The following AGAP1 variants were observed in gnomAD, a reference collection of about 807,000 sequenced individuals.
The protein encoded by AGAP1 is ArfGAP with GTPase domain, ankyrin repeat and PH domain 1.
A neutral mutation model predicts 105.3 loss-of-function variants in AGAP1; 29 were observed. The observed-to-expected ratio is 0.28, with a 90% CI of 0.21 to 0.38. AGAP1 has a LOEUF of 0.38. AGAP1 is among the 10% of genes least tolerant of loss of function. AGAP1 has a pLI of 1.00. For missense variants in AGAP1, 998 were observed against 1,165.1 expected (o/e 0.86, Z 2.09); for synonymous variants, 509 against 485.9 (o/e 1.05, Z -0.63).
intron 8 of AGAP1, among the ~76,000 whole-genome samples, chr2:235,803,159 G>C (rs1424484322): frequency 6.6e-6 from 1 of 150,694 alleles, no homozygotes; most frequent in Non-Finnish European, 1.5e-5. Flanking sequence ...TGATGGTGAT[G>C]ATGGTTGTGG....
chr2:235,908,822 A>G lies in AGAP1; in HGVS notation c.1240A>G (p.Thr414Ala). Residue 414 changes from threonine (T) to alanine (A), a missense_variant, in exon 11 of 18, where the codon ACG (threonine) becomes GCG (alanine). This residue lies in a region of AGAP1 where 735 missense variants were observed against 833.4 expected (regional missense o/e 0.88). Coordinates refer to ENST00000304032, the MANE Select transcript of AGAP1 (RefSeq NM_001037131.3). This position sits in a 1 kb window ranked among gnomAD's most constrained non-coding sequence, Gnocchi z 4.4. ...CCCAGGGAAGAGGCCACCCCGAGCC[A>G]CGTCAGCCTGCGCACCCATCTCCAG... The part of the protein sequence containing the change: ...KVPGKRPPRA[T>A]SACAPISSPK... 1 of 1,614,096 alleles carries G rather than the reference A, an allele frequency of 6.2e-7. No individual in the cohort carries two copies. The highest frequency in any genetic ancestry group is 8.5e-7 in the Non-Finnish European group (1 of 1,180,012).
At chr2:236,079,602 A>G (rs2058730610) in intron 16 of AGAP1, among the ~76,000 whole-genome samples, 1 of 151,902 alleles carries the variant, frequency 6.6e-6, no homozygotes, top group Non-Finnish European at 1.5e-5. Context: ...ATATACATAC[A>G]TACATATATA....
chr2:235,775,216 T>A lies in AGAP1; in HGVS notation c.674-22543T>A, dbSNP rs149620004. Among the ~76,000 whole-genome samples, 39 of 152,244 alleles carry A rather than the reference T, an allele frequency of 2.6e-4. No individual in the cohort carries two copies. In the East Asian group the frequency reaches 7.0e-3, roughly 27 times the overall value. The stretch of plus-strand genomic sequence containing the variant: ...TGAGCAGTAACCAATTTGGGATTCC[T>A]GTCCCAGACTGTAGCACACTCTTTG... On this transcript the variant is annotated intron_variant, in intron 6 of 17. Coordinates refer to ENST00000304032, the MANE Select transcript of AGAP1 (RefSeq NM_001037131.3).
chr2:235,749,526 G>A (rs751802458), intron 5 of AGAP1, among the ~76,000 whole-genome samples: 1 of 152,002 alleles, frequency 6.6e-6, no homozygotes, highest in Non-Finnish European at 1.5e-5. Flanking sequence ...AAAACCTCAG[G>A]GGACTCGCTG....
intron 1 of AGAP1, among the ~76,000 whole-genome samples, chr2:235,638,152 ACAGT>A (rs749864113): frequency 1.9e-4 from 29 of 152,346 alleles, no homozygotes; most frequent in Non-Finnish European, 4.1e-4. Context: ...GTGTGGGTAG[ACAGT>A]CAGGAGAGCA....
intron 9 of AGAP1, among the ~76,000 whole-genome samples, chr2:235,880,411 A>G (rs2049957890): frequency 6.6e-6 from 1 of 152,102 alleles, no homozygotes; most frequent in Admixed American, 6.6e-5. Flanking sequence ...TGGTGACACC[A>G]GAGACCGTGG....
intron 10 of AGAP1, among the ~76,000 whole-genome samples, chr2:235,899,107 A>G (rs1175436452): frequency 6.6e-6 from 1 of 152,240 alleles, no homozygotes; most frequent in African/African-American, 2.4e-5. Flanking sequence ...TGTCAAGGGG[A>G]AAAACTGAAG....
intron 1 of AGAP1, among the ~76,000 whole-genome samples, chr2:235,512,223 G>A (rs1942177619): frequency 2.6e-5 from 4 of 152,308 alleles, no homozygotes; most frequent in Admixed American, 2.0e-4. Context: ...TGGGAGTTTG[G>A]GAGTTTTCTT....
intron 9 of AGAP1, chr2:235,852,815 C>T: frequency 2.0e-6 from 3 of 1,515,394 alleles, no homozygotes; most frequent in Non-Finnish European, 2.7e-6. Context: ...TGCTGAAGGC[C>T]CACAATCAGC....
chr2:235,875,303 T>C lies in AGAP1; in HGVS notation c.1051-8042T>C, dbSNP rs2049663408. On this transcript the variant is annotated intron_variant, in intron 9 of 17. Transcript: ENST00000304032. The surrounding 1 kb of genome is among the most constrained non-coding windows in gnomAD (Gnocchi z 4.0). ...TAATAAAATCGATGGTATTTTAAAT[T>C]GTTGGGATGAACAAGCACTTTGGGT... Among the ~76,000 whole-genome samples, 1 of 152,148 alleles carries C rather than the reference T, an allele frequency of 6.6e-6. No homozygotes were observed. The highest frequency in any genetic ancestry group is 6.5e-5 in the Admixed American group (1 of 15,282).
chr2:235,657,039 C>T lies in AGAP1; in HGVS notation c.164-52140C>T, dbSNP rs553824140. ...GGAAACCAGAGTCTAGATAAGCTGA[C>T]CCAGCTCTCATGCATGTGCTGTTAA... On this transcript the variant is annotated intron_variant, in intron 1 of 17. Coordinates refer to ENST00000304032, the MANE Select transcript of AGAP1 (RefSeq NM_001037131.3). 3.3e-5 allele frequency among the ~76,000 whole-genome samples: 5 copies of T among 152,292 alleles called. No individual in the cohort carries two copies. In the East Asian group the frequency reaches 9.7e-4, roughly 29 times the overall value.
At chr2:235,778,218 C>A (rs1167527097) in intron 6 of AGAP1, among the ~76,000 whole-genome samples, 1 of 152,220 alleles carries the variant, frequency 6.6e-6, no homozygotes, top group Admixed American at 6.5e-5. Context: ...TGTATTGGTT[C>A]ATGTACCTTG....
chr2:236,086,066 TC>T (rs1246264293), intron 16 of AGAP1, among the ~76,000 whole-genome samples: 3 of 152,226 alleles, frequency 2.0e-5, no homozygotes, highest in Non-Finnish European at 1.5e-5. Context: ...GCCCTAATCT[TC>T]CTTTTCCTAC....
At position 235,614,445 on chromosome 2, in the gene AGAP1, T is replaced by C. The variant is rs1025736429; in HGVS notation, c.164-94734T>C. Among the ~76,000 whole-genome samples the C allele has an allele frequency of 6.6e-6, 1 of 152,040 alleles. No homozygotes were observed. Among genetic ancestry groups the C allele is most frequent in the African/African-American group, 2.4e-5 (1 of 41,406 alleles). On this transcript the variant is annotated intron_variant, in intron 1 of 17. Coordinates refer to ENST00000304032, the MANE Select transcript of AGAP1 (RefSeq NM_001037131.3). This position sits in a 1 kb window ranked among gnomAD's most constrained non-coding sequence, Gnocchi z 4.7. Reference sequence around the variant, plus strand: ...ACGGCCTGTGATGGGCTGGATGTATTTGGGGAGGGAAGAAGGCAGTTGTAG... The same window carrying C: ...ACGGCCTGTGATGGGCTGGATGTATCTGGGGAGGGAAGAAGGCAGTTGTAG...
intron 6 of AGAP1, among the ~76,000 whole-genome samples, chr2:235,761,752 T>C (rs6714660): frequency 0.28 from 42,547 of 152,078 alleles, 6,274 homozygotes; most frequent in Admixed American, 0.41. Context: ...GAAGTTGTTA[T>C]AATCTGTAGC....
chr2:236,073,957 A>G lies in AGAP1; in HGVS notation c.2114+24676A>G, dbSNP rs1048719259. Among the ~76,000 whole-genome samples the G allele has an allele frequency of 3.9e-5, 6 of 152,084 alleles. No individual in the cohort carries two copies. The highest frequency in any genetic ancestry group is 1.4e-4 in the African/African-American group (6 of 41,428). ...GCTCAAGAACCACCCTCTGGGTGCCAAGGTCTCCTCCAGGAGCACAGGTTC... is the reference window on the plus strand; with the variant it reads ...GCTCAAGAACCACCCTCTGGGTGCCGAGGTCTCCTCCAGGAGCACAGGTTC... On this transcript the variant is annotated intron_variant, in intron 16 of 17. Transcript: ENST00000304032. The surrounding 1 kb of genome is among the most constrained non-coding windows in gnomAD (Gnocchi z 5.4).
Position 235,689,823 on chromosome 2 carries a change from T to A in AGAP1, c.164-19356T>A, listed in dbSNP as rs1436953238. The stretch of plus-strand genomic sequence containing the variant: ...GAGACTCTGCCAGCAGGGCTGAGGC[T>A]GCTGCCAGGAGAGCATCTGGGGTGG... On this transcript the variant is annotated intron_variant, in intron 1 of 17. Transcript: ENST00000304032. The surrounding 1 kb of genome is among the most constrained non-coding windows in gnomAD (Gnocchi z 4.2). 6.6e-6 allele frequency among the ~76,000 whole-genome samples: 1 copy of A among 152,270 alleles called. No homozygotes were observed. The highest frequency in any genetic ancestry group is 1.5e-5 in the Non-Finnish European group (1 of 68,054).
chr2:235,593,717 A>C (rs763466587), intron 1 of AGAP1, among the ~76,000 whole-genome samples: 82 of 152,312 alleles, frequency 5.4e-4, no homozygotes, highest in Admixed American at 1.0e-3. Context: ...TAATCCCAGC[A>C]CTTTGGGAGG....
intron 1 of AGAP1, among the ~76,000 whole-genome samples, chr2:235,499,144 G>A (rs930330781): frequency 6.6e-6 from 1 of 152,160 alleles, no homozygotes. Flanking sequence ...GGGCCCGTCC[G>A]ACCTCACCTC....
Sources: allele counts gnomAD v4.1 joint callset (sites outside exome capture counted in the v4.1 genomes callset), GRCh38; gene constraint gnomAD v4.1.1; regional missense constraint gnomAD v4.1.1; non-coding constraint Gnocchi (gnomAD v3.1); transcripts MANE v1.5; gene names NCBI Gene and HGNC (gene_info 2026-07-23, HGNC 2026-07-21).